FGF1: variants seen among roughly 807,000 people sequenced by gnomAD.
FGF1 encodes the protein fibroblast growth factor 1.
FGF1 carries 9 observed loss-of-function variants against 13.4 expected under a neutral mutation model. The observed-to-expected ratio is 0.67, with a 90% CI of 0.40 to 1.17. The LOEUF is 1.17. Ranked by LOEUF, FGF1 falls within the 50% of genes most tolerant of loss-of-function variation. The pLI, the probability that FGF1 is intolerant of heterozygous loss-of-function variation, is 0.01. For missense variants in FGF1, 156 were observed against 192.7 expected, an observed-to-expected ratio of 0.81 and a Z score of 1.13; for synonymous variants, 93 against 79.0, an observed-to-expected ratio of 1.18 and a Z score of -0.94.
chr5:142,647,972 C>G (rs1188241536), intron 1 of FGF1, among the ~76,000 whole-genome samples: 7 of 152,134 alleles, frequency 4.6e-5, no homozygotes, highest in South Asian at 2.1e-4. Context: ...GTAATCCCAG[C>G]TACTTGCGAG....
intron 2 of FGF1, among the ~76,000 whole-genome samples, chr5:142,606,355 T>C (rs1249248923): frequency 6.6e-6 from 1 of 151,218 alleles, no homozygotes; most frequent in African/African-American, 2.4e-5. Context: ...GAAAATCATA[T>C]TAAAAAACAC....
intron 2 of FGF1, among the ~76,000 whole-genome samples, chr5:142,606,214 C>CTGTG (rs1283591761): frequency 5.2e-4 from 37 of 71,076 alleles, no homozygotes; most frequent in South Asian, 1.5e-3. Flanking sequence ...CATTCTTTCT[C>CTGTG]TCTCTGTGTG....
intron 1 of FGF1, chr5:142,644,107 G>A (rs1244203808): frequency 1.3e-5 from 2 of 152,230 alleles, no homozygotes; most frequent in African/African-American, 2.4e-5. Context: ...CTTAAAACAT[G>A]CTTACCTGCT....
rs749270333 is a variant in FGF1 at position 142,650,821 on chromosome 5, C to T, written c.-35+35136G>A. 6.5e-4 allele frequency among the ~76,000 whole-genome samples: 99 copies of T among 152,192 alleles called. 1 individual carries two copies. The highest frequency in any genetic ancestry group is 2.7e-3 in the South Asian group (13 of 4,822). ...ACTCTATTATTCTCACAGGAAAATA[C>T]GAGCAACAGTCTTAAGCAGCTGGTT... On this transcript the variant is annotated intron_variant, in intron 1 of 3. Transcript: ENST00000337706.
rs111596902 is a variant in FGF1 at position 142,658,264 on chromosome 5, G to A, written c.-35+27693C>T. Among the ~76,000 whole-genome samples the A allele has an allele frequency of 1.2e-3, 189 of 152,344 alleles. 1 individual carries two copies. The highest frequency in any genetic ancestry group is 4.4e-3 in the African/African-American group (183 of 41,572). ...TCCATCAGTGTCTCAGGTCAGGCCA[G>A]CAAATTCTCAAGCCTTATCCATGGC... On this transcript the variant is annotated intron_variant, in intron 1 of 3. Coordinates refer to ENST00000337706, the MANE Select transcript of FGF1 (RefSeq NM_000800.5).
At chr5:142,645,597 G>T (rs1765892760) in intron 1 of FGF1, among the ~76,000 whole-genome samples, 1 of 152,174 alleles carries the variant, frequency 6.6e-6, no homozygotes, top group Non-Finnish European at 1.5e-5. Context: ...GAGGCATTGG[G>T]ATAAGTAAGA....
intron 1 of FGF1, among the ~76,000 whole-genome samples, chr5:142,682,257 T>C (rs1322239582): frequency 6.6e-6 from 1 of 152,178 alleles, no homozygotes; most frequent in African/African-American, 2.4e-5. Context: ...GGTAATTTTG[T>C]ATTTTTAGTA....
At chr5:142,618,815 A>T (rs34013) in intron 1 of FGF1, among the ~76,000 whole-genome samples, 127,665 of 152,030 alleles carry the variant, frequency 0.84, 54,140 homozygotes, top group African/African-American at 0.96. Flanking sequence ...GGCCCATTAT[A>T]TCTAGGAGAC....
rs555368817 is a variant in FGF1 at position 142,650,648 on chromosome 5, C to A, written c.-35+35309G>T. Among the ~76,000 whole-genome samples, 14 of 151,944 alleles carry A rather than the reference C, an allele frequency of 9.2e-5. 1 individual carries two copies. In the South Asian group the frequency reaches 2.7e-3, roughly 29 times the overall value. ...GACCCCTTTATAATCAATGCATATA[C>A]ACTTTATATGTGTGTGTGTGTATAT... On this transcript the variant is annotated intron_variant, in intron 1 of 3. Coordinates refer to ENST00000337706, the MANE Select transcript of FGF1 (RefSeq NM_000800.5).
At chr5:142,621,297 C>G (rs1450902118) in intron 1 of FGF1, 1 of 152,174 alleles carries the variant, frequency 6.6e-6, no homozygotes, top group Non-Finnish European at 1.5e-5. Context: ...TCATACTCAC[C>G]CAGGTCTTAG....
rs577186748 is a variant in FGF1, at chr5:142,642,600, G to A, written c.-34-28439C>T. On this transcript the variant is annotated intron_variant, in intron 1 of 3. Transcript: ENST00000337706. ...TAAAGGACAAGAATGGGTGGCATAC[G>A]GTATGCCAAGAGTGAACAACAGCAG... Among the ~76,000 whole-genome samples the A allele has an allele frequency of 3.9e-5, 6 of 152,318 alleles. No individual in the cohort carries two copies. The East Asian group carries it at 7.7e-4, about 20-fold the overall frequency.
chr5:142,676,611 G>C (rs1225006498), intron 1 of FGF1, among the ~76,000 whole-genome samples: 1 of 152,200 alleles, frequency 6.6e-6, no homozygotes, highest in African/African-American at 2.4e-5. Context: ...CCCTACCAGA[G>C]TGCCACAGGC....
intron 1 of FGF1, among the ~76,000 whole-genome samples, chr5:142,619,800 T>C (rs1384074610): frequency 1.3e-5 from 2 of 150,128 alleles, no homozygotes; most frequent in Non-Finnish European, 3.0e-5. Flanking sequence ...GGCATTGCAC[T>C]CCAGCCTGAG....
chr5:142,660,687 A>G (rs753215886), intron 1 of FGF1, among the ~76,000 whole-genome samples: 5 of 152,198 alleles, frequency 3.3e-5, no homozygotes, highest in Non-Finnish European at 7.3e-5. Flanking sequence ...TCAGCTCATC[A>G]GCAAGTTTTT....
upstream of FGF1, among the ~76,000 whole-genome samples, chr5:142,690,362 A>T (rs896747726): frequency 3.3e-5 from 5 of 152,186 alleles, no homozygotes; most frequent in South Asian, 8.3e-4. Context: ...AAATAAAAAA[A>T]AATTTTACCT....
chr5:142,648,779 C>CACTGGAGA (rs17216967), intron 1 of FGF1, among the ~76,000 whole-genome samples: 4 of 148,320 alleles, frequency 2.7e-5, no homozygotes, highest in African/African-American at 7.5e-5. Flanking sequence ...GAATGTTTGT[C>CACTGGAGA]ACTGGAGAAT....
At chr5:142,664,704 C>T (rs13356290) in intron 1 of FGF1, among the ~76,000 whole-genome samples, 6,695 of 152,178 alleles carry the variant, frequency 0.044, 475 homozygotes, top group African/African-American at 0.15. Context: ...TTCATGACAC[C>T]GTCGATGTCC....
chr5:142,640,631 A>C (rs1450640744), intron 1 of FGF1, among the ~76,000 whole-genome samples: 1 of 152,050 alleles, frequency 6.6e-6, no homozygotes, highest in East Asian at 1.9e-4. Flanking sequence ...AAGAGACTCG[A>C]AATAATCCAC....
chr5:142,691,277 C>T (rs1597484878), intron 2 of FGF1, among the ~76,000 whole-genome samples: 1 of 151,978 alleles, frequency 6.6e-6, no homozygotes, highest in Admixed American at 6.6e-5. Flanking sequence ...CAAAAATTAG[C>T]CAGGCATGTT....
Sources: gnomAD v4.1 joint callset for allele counts (sites outside exome capture counted in the v4.1 genomes callset) on GRCh38, gnomAD v4.1.1 for gene constraint, MANE v1.5 for transcripts, NCBI Gene and HGNC (gene_info 2026-07-23, HGNC 2026-07-21) for gene names.